DMD: variants seen among roughly 807,000 people sequenced by gnomAD.
The protein encoded by DMD is dystrophin.
DMD carries 63 observed loss-of-function variants against 330.1 expected under a neutral mutation model. The observed-to-expected ratio is 0.19, with a 90% confidence interval of 0.16 to 0.24. The LOEUF (loss-of-function observed/expected upper bound fraction) is 0.24. Ranked by LOEUF, DMD falls within the 10% of genes least tolerant of loss-of-function variation. DMD has a pLI of 1.00. For missense variants in DMD, 3,344 were observed against 2,684.1 expected (o/e 1.25, Z -5.43); for synonymous variants, 1,223 against 959.8 (o/e 1.27, Z -5.07).
chrX:32,191,173 T>A, intron 44 of DMD, among the ~76,000 whole-genome samples: 1 of 111,519 alleles, frequency 9.0e-6, no homozygotes, highest in African/African-American at 3.3e-5. Context: ...TTTTGTTGAG[T>A]CAAATGTCAC....
At chrX:32,792,726 T>A (rs753957318) in intron 7 of DMD, among the ~76,000 whole-genome samples, 1 of 112,152 alleles carries the variant, frequency 8.9e-6, no homozygotes. Context: ...ATAAGGTCAT[T>A]ATATAATGAT....
chrX:32,433,858 T>G (rs1442356210), intron 29 of DMD, among the ~76,000 whole-genome samples: 1 of 111,813 alleles, frequency 8.9e-6, no homozygotes, highest in Non-Finnish European at 1.9e-5. Flanking sequence ...TTGGTTACCC[T>G]GTTAGAGAAT....
chrX:33,057,664 C>T (rs2094533808), intron 1 of DMD, among the ~76,000 whole-genome samples: 1 of 111,391 alleles, frequency 9.0e-6, no homozygotes, highest in Non-Finnish European at 1.9e-5. Context: ...ACACTATATT[C>T]CCACCAGCCT....
At chrX:32,824,545 GAC>G (rs1423564375) in intron 4 of DMD, among the ~76,000 whole-genome samples, 1 of 111,880 alleles carries the variant, frequency 8.9e-6, no homozygotes, top group African/African-American at 3.2e-5. Context: ...GTCTTGAAAA[GAC>G]AAAGTTACAG....
At chrX:31,888,773 G>A (rs1035137989) in intron 47 of DMD, among the ~76,000 whole-genome samples, 38 of 111,607 alleles carry the variant, frequency 3.4e-4, no homozygotes, top group Non-Finnish European at 5.7e-4. Context: ...ATACATTGTG[G>A]TTATATGCCA....
At chrX:32,210,053 T>G (rs1383738815) in intron 44 of DMD, among the ~76,000 whole-genome samples, 1 of 111,291 alleles carries the variant, frequency 9.0e-6, no homozygotes, top group Non-Finnish European at 1.9e-5. Flanking sequence ...CAAGCAGCAA[T>G]AAAAGGGTAA....
At chrX:32,570,443 T>G (rs1200627005) in intron 15 of DMD, among the ~76,000 whole-genome samples, 1 of 112,178 alleles carries the variant, frequency 8.9e-6, no homozygotes, top group Non-Finnish European at 1.9e-5. Context: ...ATTTTAATCC[T>G]ATTGGAAAAT....
chrX:32,255,123 TA>T (rs1255885943), intron 43 of DMD, among the ~76,000 whole-genome samples: 1 of 112,036 alleles, frequency 8.9e-6, no homozygotes, highest in Non-Finnish European at 1.9e-5. Context: ...CATTCCTTTT[TA>T]AAGCAGAATA....
chrX:32,327,368 C>T (rs776327111), intron 41 of DMD, among the ~76,000 whole-genome samples: 19 of 110,879 alleles, frequency 1.7e-4, no homozygotes, highest in African/African-American at 6.2e-4. Flanking sequence ...GCCTTTTGTT[C>T]TACTCCATTC....
chrX:32,175,693 A>G (rs2096904145), intron 44 of DMD, among the ~76,000 whole-genome samples: 1 of 110,841 alleles, frequency 9.0e-6, no homozygotes, highest in Admixed American at 9.6e-5. Flanking sequence ...TAGCCTTTGT[A>G]TCTTCCTTAA....
intron 1 of DMD, among the ~76,000 whole-genome samples, chrX:33,057,303 C>G (rs1287372368): frequency 9.0e-6 from 1 of 111,689 alleles, no homozygotes; most frequent in African/African-American, 3.3e-5. Flanking sequence ...AAGCCACATC[C>G]ACTGATAGGC....
At chrX:32,514,639 G>A (rs1166428354) in intron 18 of DMD, among the ~76,000 whole-genome samples, 19 of 112,407 alleles carry the variant, frequency 1.7e-4, no homozygotes, top group Admixed American at 1.7e-3. Context: ...TACTCAGGAG[G>A]CTGAGGCAGG....
intron 1 of DMD, among the ~76,000 whole-genome samples, chrX:33,246,160 T>A (rs778581216): frequency 3.6e-5 from 4 of 112,192 alleles, no homozygotes; most frequent in Non-Finnish European, 7.5e-5. Context: ...AGGTGGAATA[T>A]CTGAGAAACT....
At chrX:31,253,879 G>A (rs1274161947) in intron 63 of DMD, among the ~76,000 whole-genome samples, 3 of 112,003 alleles carry the variant, frequency 2.7e-5, no homozygotes, top group African/African-American at 6.5e-5. Context: ...CTTTTCCTAA[G>A]AATTCCAAAA....
intron 9 of DMD, among the ~76,000 whole-genome samples, chrX:32,691,649 C>T (rs1422468699): frequency 9.0e-6 from 1 of 111,241 alleles, no homozygotes; most frequent in East Asian, 2.8e-4. Flanking sequence ...AGCAATCTCA[C>T]TTTTGGATAT....
intron 59 of DMD, among the ~76,000 whole-genome samples, chrX:31,474,757 A>T (rs7891761): frequency 0.053 from 5,094 of 95,641 alleles, 212 homozygotes; most frequent in African/African-American, 0.11. Context: ...TAAAATAAAA[A>T]AAGAGAAACC....
chrX:31,491,577 A>G (rs1251408041), intron 57 of DMD, among the ~76,000 whole-genome samples: 1 of 112,163 alleles, frequency 8.9e-6, no homozygotes, highest in Non-Finnish European at 1.9e-5. Context: ...ACTTCACCGC[A>G]TCTGGAGCAT....
chrX:33,209,936 T>C (rs1412055925), intron 1 of DMD, among the ~76,000 whole-genome samples: 1 of 109,669 alleles, frequency 9.1e-6, no homozygotes, highest in African/African-American at 3.3e-5. Context: ...ATAAAATCAC[T>C]AGTGATTTTG....
At chrX:32,723,277 C>A (rs2066519051) in intron 7 of DMD, among the ~76,000 whole-genome samples, 1 of 111,111 alleles carries the variant, frequency 9.0e-6, no homozygotes, top group Non-Finnish European at 1.9e-5. Context: ...TAGGGCTAAA[C>A]CCACCTGGTC....
Sources: gnomAD v4.1 joint callset for allele counts (sites outside exome capture counted in the v4.1 genomes callset) on GRCh38, gnomAD v4.1.1 for gene constraint, MANE v1.5 for transcripts, NCBI Gene and HGNC (gene_info 2026-07-23, HGNC 2026-07-21) for gene names.